Variants in SIPA1L1 observed in about 807,000 individuals in gnomAD.
The protein encoded by SIPA1L1 is signal induced proliferation associated 1 like 1, also known as signal-induced proliferation-associated 1-like protein 1.
SIPA1L1 carries 26 observed loss-of-function variants against 162.7 expected under a neutral mutation model. The observed-to-expected ratio is 0.16, with a 90% confidence interval of 0.12 to 0.22. SIPA1L1 has a LOEUF of 0.22. SIPA1L1 is among the 10% of genes least tolerant of loss of function. SIPA1L1 has a pLI of 1.00. For synonymous variants in SIPA1L1, 829 were observed against 837.4 expected (o/e 0.99, Z 0.17); for missense variants, 1,874 against 2,241.0 (o/e 0.84, Z 3.31).
intron 2 of SIPA1L1, among the ~76,000 whole-genome samples, chr14:71,432,689 G>A (rs1243092547): frequency 6.6e-6 from 1 of 152,192 alleles, no homozygotes; most frequent in African/African-American, 2.4e-5. Flanking sequence ...TCAGAGAAAA[G>A]CGTTTGCTTC....
intron 2 of SIPA1L1, among the ~76,000 whole-genome samples, chr14:71,380,772 C>T (rs1566952586): frequency 6.6e-6 from 1 of 152,134 alleles, no homozygotes; most frequent in Non-Finnish European, 1.5e-5. Context: ...AGATCCAGCC[C>T]TGTCTGATCT....
rs1437260981 is a variant in SIPA1L1, at chr14:71,592,417, T to G, written c.1498+3047T>G. On this transcript the variant is annotated intron_variant, in intron 5 of 23. Coordinates refer to ENST00000381232, the MANE Select transcript of SIPA1L1 (RefSeq NM_001386936.1). ...AACTCTGTCTTATAATAGACAACTT[T>G]GATTCACTGAAATTAGCAGACTAAC... Among the ~76,000 whole-genome samples, 4 of 152,352 alleles carry G rather than the reference T, an allele frequency of 2.6e-5. No homozygotes were observed. In the East Asian group the frequency reaches 7.7e-4, roughly 29 times the overall value.
intron 13 of SIPA1L1, among the ~76,000 whole-genome samples, chr14:71,693,056 T>C (rs900991803): frequency 6.6e-6 from 1 of 152,238 alleles, no homozygotes; most frequent in Non-Finnish European, 1.5e-5. Flanking sequence ...TCAGCATCCC[T>C]TACCCAAAAT....
chr14:71,332,753 T>G (rs1341199500), intron 2 of SIPA1L1, among the ~76,000 whole-genome samples: 1 of 152,236 alleles, frequency 6.6e-6, no homozygotes, highest in Non-Finnish European at 1.5e-5. Context: ...ATTCATTCAT[T>G]TCTTCATTCA....
chr14:71,451,089 C>T (rs1406007939), intron 2 of SIPA1L1, among the ~76,000 whole-genome samples: 2 of 152,052 alleles, frequency 1.3e-5, no homozygotes, highest in Non-Finnish European at 2.9e-5. Flanking sequence ...GAAGGAAATG[C>T]TTTCATTTAC....
At chr14:71,591,219 T>G (rs1361295439) in intron 5 of SIPA1L1, among the ~76,000 whole-genome samples, 2 of 152,130 alleles carry the variant, frequency 1.3e-5, no homozygotes, top group Non-Finnish European at 2.9e-5. Context: ...GTACTAGGCA[T>G]TTGCTATGCC....
chr14:71,665,265 C>T (rs529877401), intron 10 of SIPA1L1, among the ~76,000 whole-genome samples: 1 of 152,262 alleles, frequency 6.6e-6, no homozygotes, highest in African/African-American at 2.4e-5. Context: ...AGAAAAATCC[C>T]TATAGTGGAT....
At chr14:71,406,258 A>C (rs2042018935) in intron 2 of SIPA1L1, among the ~76,000 whole-genome samples, 1 of 152,188 alleles carries the variant, frequency 6.6e-6, no homozygotes, top group African/African-American at 2.4e-5. Context: ...CTAACCTATA[A>C]AAATTTCTGA....
At chr14:71,566,597 C>G (rs1012194540) in intron 4 of SIPA1L1, among the ~76,000 whole-genome samples, 1 of 152,140 alleles carries the variant, frequency 6.6e-6, no homozygotes, top group African/African-American at 2.4e-5. Context: ...TTGTTTTTGA[C>G]ATTGTATACA....
chr14:71,693,493 C>T (rs918649446), intron 13 of SIPA1L1, among the ~76,000 whole-genome samples: 11 of 151,282 alleles, frequency 7.3e-5, no homozygotes, highest in African/African-American at 2.2e-4. Context: ...AGCAAGACTC[C>T]GTCTCAAAAA....
intron 2 of SIPA1L1, among the ~76,000 whole-genome samples, chr14:71,466,030 C>G (rs901413393): frequency 6.6e-6 from 1 of 152,170 alleles, no homozygotes; most frequent in Admixed American, 6.5e-5. Flanking sequence ...AAATGTTAAT[C>G]TTTTTTGGCA....
intron 2 of SIPA1L1, among the ~76,000 whole-genome samples, chr14:71,366,620 G>A (rs2038323904): frequency 6.6e-6 from 1 of 152,040 alleles, no homozygotes; most frequent in Non-Finnish European, 1.5e-5. Context: ...TGTATTTTTA[G>A]CAGAGATGGG....
intron 17 of SIPA1L1, among the ~76,000 whole-genome samples, chr14:71,714,542 G>A (rs1288273596): frequency 1.3e-5 from 2 of 151,830 alleles, no homozygotes; most frequent in African/African-American, 2.4e-5. Context: ...TATTGGGGCA[G>A]TGGGGAGGGA....
chr14:71,547,032 C>T (rs930175570), intron 4 of SIPA1L1, among the ~76,000 whole-genome samples: 2 of 151,980 alleles, frequency 1.3e-5, no homozygotes, highest in Non-Finnish European at 2.9e-5. Context: ...GCGTAGTTGT[C>T]AGAACTATAT....
intron 4 of SIPA1L1, among the ~76,000 whole-genome samples, chr14:71,530,687 A>G (rs975236440): frequency 6.6e-5 from 10 of 152,200 alleles, no homozygotes; most frequent in Admixed American, 1.3e-4. Context: ...TTGAACATTA[A>G]AAAACCCAGG....
At chr14:71,738,104 C>A in intron 22 of SIPA1L1, 137 bp from the exon 23 acceptor site, 2 of 521,222 alleles carry the variant, frequency 3.8e-6, no homozygotes, top group South Asian at 6.0e-5. Context: ...CTCATTGGGT[C>A]GCCATACTGA....
At chr14:71,561,433 A>G (rs2056781626) in intron 4 of SIPA1L1, among the ~76,000 whole-genome samples, 1 of 152,230 alleles carries the variant, frequency 6.6e-6, no homozygotes, top group Non-Finnish European at 1.5e-5. Flanking sequence ...GTACAATCCA[A>G]TAGCATTAAT....
intron 4 of SIPA1L1, among the ~76,000 whole-genome samples, chr14:71,538,158 C>G (rs532638288): frequency 1.3e-5 from 2 of 152,182 alleles, no homozygotes; most frequent in African/African-American, 4.8e-5. Context: ...ATTGAATCTT[C>G]TTCCCTACTG....
intron 2 of SIPA1L1, among the ~76,000 whole-genome samples, chr14:71,328,766 CTTCTT>C (rs953973398): frequency 3.3e-4 from 51 of 152,280 alleles, no homozygotes; most frequent in African/African-American, 8.7e-4. Flanking sequence ...TATGTTGGCA[CTTCTT>C]TTAAAAAAAT....
Sources: allele counts gnomAD v4.1 joint callset (sites outside exome capture counted in the v4.1 genomes callset), GRCh38; gene constraint gnomAD v4.1.1; transcripts MANE v1.5; gene names NCBI Gene and HGNC (gene_info 2026-07-23, HGNC 2026-07-21).